The following ATRAID variants were observed in gnomAD, a reference collection of about 807,000 sequenced individuals.
ATRAID encodes all-trans retinoic acid-induced differentiation factor.
A neutral mutation model predicts 28.8 loss-of-function variants in ATRAID; 26 were observed. The observed-to-expected ratio is 0.90, with a 90% CI of 0.66 to 1.25. The LOEUF (loss-of-function observed/expected upper bound fraction) is 1.25, where lower values mean the gene tolerates loss of function less well. ATRAID is among the 50% of genes most tolerant of loss of function. ATRAID has a pLI of 0.00. For missense variants in ATRAID, 308 were observed against 285.9 expected (o/e 1.08, Z -0.56); for synonymous variants, 131 against 108.5 (o/e 1.21, Z -1.29).
intron 2 of ATRAID, 56 bp downstream of exon 2, chr2:27,213,354 T>C: frequency 6.3e-7 from 1 of 1,574,862 alleles, no homozygotes; most frequent in East Asian, 2.3e-5. Context: ...GCCTGGCTGC[T>C]TTTATACCCT....
At position 27,212,297 on chromosome 2, in the gene ATRAID, G is replaced by A. The variant is rs11556163; in HGVS notation, c.-72G>A. 0.024 allele frequency: 36,892 copies of A among 1,551,188 alleles called. 2,376 individuals carry two copies. The African/African-American group carries it at 0.24, about 10-fold the overall frequency. The stretch of plus-strand genomic sequence containing the variant: ...CCGCTTAGGCCACGCCCGGGGAAGA[G>A]GGCCTGACGCGCTGCGGGGCGGGGC... On this transcript the variant is annotated 5_prime_UTR_variant, in exon 1 of 7. Transcript: ENST00000380171.
In ATRAID at chr2:27,213,205, A is replaced by G. The variant is rs776090529; in HGVS notation, c.128A>G (p.Gln43Arg). 1 of 1,614,138 alleles carries G rather than the reference A, an allele frequency of 6.2e-7. No homozygotes were observed. Among genetic ancestry groups the G allele is most frequent in the Admixed American group, 1.7e-5 (1 of 60,016 alleles). ...TGCACCCAATGTCCAGGGAGCGTGC[A>G]AAATTTGTCAAAAGTGGCCTTTTAT... ...EICTQCPGSV[Q>R]NLSKVAFYCK... The change falls in exon 2 of 7, where the codon CAA becomes CGA. Residue 43 changes from glutamine (Q) to arginine (R), a missense_variant. Transcript: ENST00000380171.
At chr2:27,212,967 C>T in intron 1 of ATRAID, 1 of 590,646 alleles carries the variant, frequency 1.7e-6, no homozygotes, top group East Asian at 3.0e-5. Flanking sequence ...CTGAAAGTGT[C>T]GGGAGCTGAT....
In ATRAID at chr2:27,212,419, C is replaced by T. The variant is rs1035238411; in HGVS notation, c.51C>T (p.Ala17=). ...TTACGACCCTGGTGCCCTGGGCTGC[C>T]GCCCTGCTCCTCGCTCTGGGCGTGG... ...GSLTTLVPWA[A]ALLLALGVER... The change falls in exon 1 of 7, where the codon GCC becomes GCT. Residue 17 remains alanine, a synonymous_variant. Coordinates refer to ENST00000380171, the MANE Select transcript of ATRAID (RefSeq NM_001170795.4). 7 of 1,554,694 alleles carry T rather than the reference C, an allele frequency of 4.5e-6. No individual in the cohort carries two copies. Among genetic ancestry groups the T allele is most frequent in the East Asian group, 2.4e-5 (1 of 41,090 alleles).
At chr2:27,213,923 G>C (rs1674723585) in intron 2 of ATRAID, among the ~76,000 whole-genome samples, 1 of 152,110 alleles carries the variant, frequency 6.6e-6, no homozygotes, top group South Asian at 2.1e-4. Context: ...CTAAGTTCCA[G>C]AGTAATACCT....
At chr2:27,212,578 C>G in intron 1 of ATRAID, 111 bp downstream of exon 1, 1 of 1,467,544 alleles carries the variant, frequency 6.8e-7, no homozygotes. Flanking sequence ...CTGATTTCGT[C>G]CCTGACGCTT....
rs930637632 is a variant in ATRAID, at chr2:27,215,197, T to C, written c.222-124T>C. ...AATGTCTACCACAGCTCCTAGTGTG[T>C]GACTCTGAACACAGCTGTGTTCAAT... On this transcript the variant is annotated intron_variant, in intron 2 of 6. Transcript: ENST00000380171. The C allele has an allele frequency of 1.2e-5, 11 of 923,950 alleles. 1 individual carries two copies. In the South Asian group the frequency reaches 1.5e-4, roughly 13 times the overall value. 57.2% of individuals were successfully genotyped at this position (923,950 alleles called of 1,614,324 possible). A position where few individuals can be genotyped will look rare whatever the true frequency, so the allele number is the denominator to read the frequency against.
rs543280954 is a variant in ATRAID, at chr2:27,216,259, C to T, written c.488-264C>T. On this transcript the variant is annotated intron_variant, in intron 5 of 6. Coordinates refer to ENST00000380171, the MANE Select transcript of ATRAID (RefSeq NM_001170795.4). Reference sequence around the variant, plus strand: ...GAAACAAATCACAATGGTGGAATGTCATCAGTTAAGGCTATTTTCATTTCT... The same window carrying T: ...GAAACAAATCACAATGGTGGAATGTTATCAGTTAAGGCTATTTTCATTTCT... 9 of 444,226 alleles carry T rather than the reference C, an allele frequency of 2.0e-5. No homozygotes were observed. In the Admixed American group the frequency reaches 2.3e-4, roughly 11 times the overall value. The allele number at this position is 444,226 out of a possible 1,614,324, so 27.5% of individuals were successfully genotyped here. A position where few individuals can be genotyped will look rare whatever the true frequency, so the allele number is the denominator to read the frequency against.
Position 27,212,232 on chromosome 2 carries a change from A to G in ATRAID, c.-137A>G, listed in dbSNP as rs753882664. On this transcript the variant is annotated 5_prime_UTR_variant, in exon 1 of 7. Transcript: ENST00000380171. ...AAGACCAGCGCAGAGCTCCACGAGC[A>G]GGAAAAGCCCCCAAGCAGCCCCAGG... 6.4e-7 allele frequency: 1 copy of G among 1,561,268 alleles called. No individual in the cohort carries two copies. The highest frequency in any genetic ancestry group is 1.2e-5 in the South Asian group (1 of 84,910).
intron 5 of ATRAID, among the ~76,000 whole-genome samples, chr2:27,216,173 C>T (rs77466158): frequency 6.6e-6 from 1 of 152,264 alleles, no homozygotes; most frequent in Non-Finnish European, 1.5e-5. Flanking sequence ...GGAGAGATTA[C>T]AAGGAAACTT....
At chr2:27,213,384 A>AC in intron 2 of ATRAID, 86 bp downstream of exon 2, 1 of 1,489,450 alleles carries the variant, frequency 6.7e-7, no homozygotes, top group South Asian at 1.3e-5. Context: ...TAAAGAATCC[A>AC]CCTATTATGG....
rs761884334 is a variant in ATRAID, at chr2:27,216,547, G to C, written c.512G>C (p.Cys171Ser). ...DPEMCPENGS[C>S]VPDGPGLLQC... ...GAAATGTGTCCTGAGAATGGATCTT[G>C]TGTACCTGATGGTCCAGGTCTTTTG... Residue 171 changes from cysteine to serine, a missense_variant, in exon 6 of 7, where the codon TGT (cysteine) becomes TCT (serine). Physicochemically the swap from Cys to Ser is moderately radical, Grantham distance 112. Transcript: ENST00000380171. 8 of 1,614,050 alleles carry C rather than the reference G, an allele frequency of 5.0e-6. No homozygotes were observed. The East Asian group carries it at 1.6e-4, about 31-fold the overall frequency.
chr2:27,212,626 C>T, intron 1 of ATRAID, 159 bp downstream of exon 1: 2 of 1,414,632 alleles, frequency 1.4e-6, no homozygotes, highest in Non-Finnish European at 1.8e-6. Flanking sequence ...CCCAAGTACT[C>T]ACGTCGTGCA....
Position 27,216,997 on chromosome 2 carries a change from C to A in ATRAID, c.*49C>A. On this transcript the variant is annotated 3_prime_UTR_variant, in exon 7 of 7. Transcript: ENST00000380171. The stretch of plus-strand genomic sequence containing the variant: ...CTAAGATCAATCTGAACTATCTTAG[C>A]CCAGTCAGGGAGCTCTGCTTCCTAG... 6.8e-7 allele frequency: 1 copy of A among 1,479,746 alleles called. No homozygotes were observed. The highest frequency in any genetic ancestry group is 9.3e-7 in the Non-Finnish European group (1 of 1,078,710). The allele number at this position is 1,479,746 out of a possible 1,614,324, so 91.7% of individuals were successfully genotyped here. A position where few individuals can be genotyped will look rare whatever the true frequency, so the allele number is the denominator to read the frequency against.
intron 6 of ATRAID, 89 bp downstream of exon 6, chr2:27,216,709 A>C: frequency 2.1e-6 from 3 of 1,450,342 alleles, no homozygotes; most frequent in Non-Finnish European, 2.9e-6. Flanking sequence ...AGGAGCTGAT[A>C]CAAATTTCCT....
At position 27,212,707 on chromosome 2, in the gene ATRAID, A is replaced by G. The variant is rs192827384; in HGVS notation, c.99+240A>G. 238 of 1,276,090 alleles carry G rather than the reference A, an allele frequency of 1.9e-4. No individual in the cohort carries two copies. In the East Asian group the frequency reaches 3.4e-3, roughly 18 times the overall value. The allele number at this position is 1,276,090 out of a possible 1,614,324, so 79.0% of individuals were successfully genotyped here. A position where few individuals can be genotyped will look rare whatever the true frequency, so the allele number is the denominator to read the frequency against. On this transcript the variant is annotated intron_variant, in intron 1 of 6. Transcript: ENST00000380171. Reference sequence around the variant, plus strand: ...CTTGATTTCGCCCCTTAATTTTAGAATAACTTTAAGTTCTTTCTACAGACG... The same window carrying G: ...CTTGATTTCGCCCCTTAATTTTAGAGTAACTTTAAGTTCTTTCTACAGACG...
In ATRAID at chr2:27,216,533, T is replaced by C. The variant is rs144594015; in HGVS notation, c.498T>C (p.Pro166=). The part of the protein sequence containing the change: ...CNNTGDPEMC[P]ENGSCVPDGP... ...CTCTCTGGCCTCCAGAAATGTGTCC[T>C]GAGAATGGATCTTGTGTACCTGATG... is the stretch of plus-strand genomic sequence containing the variant. Residue 166 remains proline, a synonymous_variant, in exon 6 of 7, where the codon CCT becomes CCC. Transcript: ENST00000380171. 3.7e-4 allele frequency: 593 copies of C among 1,612,984 alleles called. No homozygotes were observed. The African/African-American group carries it at 6.9e-3, about 19-fold the overall frequency.
rs1192395058 is a variant in ATRAID at position 27,212,438 on chromosome 2, G to C, written c.70G>C (p.Gly24Arg). ...GGCTGCCGCCCTGCTCCTCGCTCTG[G>C]GCGTGGAAAGGGCTCTGGCGCTACC... The part of the protein sequence containing the change: ...PWAAALLLAL[G>R]VERALALPEI... The change falls in exon 1 of 7, where the codon GGC becomes CGC. Residue 24 changes from glycine to arginine, a missense_variant. Transcript: ENST00000380171. 12 of 1,561,048 alleles carry C rather than the reference G, an allele frequency of 7.7e-6. No individual in the cohort carries two copies. In the African/African-American group the frequency reaches 1.6e-4, roughly 21 times the overall value.
Position 27,212,136 on chromosome 2 carries a change from G to A in ATRAID, c.-233G>A. The A allele has an allele frequency of 6.6e-7, 1 of 1,517,156 alleles. No homozygotes were observed. The highest frequency in any genetic ancestry group is 8.8e-7 in the Non-Finnish European group (1 of 1,136,026). 94.0% of individuals were successfully genotyped at this position (1,517,156 alleles called of 1,614,324 possible). On this transcript the variant is annotated 5_prime_UTR_variant, in exon 1 of 7. Coordinates refer to ENST00000380171, the MANE Select transcript of ATRAID (RefSeq NM_001170795.4). ...CTCCGGGAAGCCGCGCGGCGACGGG[G>A]GAGGCCTTCACTAAAGGGGAAAAGG...
Sources: allele counts gnomAD v4.1 joint callset (sites outside exome capture counted in the v4.1 genomes callset), GRCh38; gene constraint gnomAD v4.1.1; transcripts MANE v1.5; gene names NCBI Gene and HGNC (gene_info 2026-07-23, HGNC 2026-07-21).